The following NCK2 variants were observed in gnomAD, a reference collection of about 807,000 sequenced individuals.
The protein encoded by NCK2 is cytoplasmic protein NCK2.
Under a neutral mutation model 33.9 loss-of-function variants are expected in NCK2, and 16 were observed. The observed-to-expected ratio is 0.47, with a 90% confidence interval of 0.32 to 0.72. The LOEUF (loss-of-function observed/expected upper bound fraction) is 0.72. Among genes scored for constraint, NCK2 ranks in the 30% least tolerant of loss-of-function variants. The pLI is 0.03. For missense variants in NCK2, 418 were observed against 537.3 expected (o/e 0.78, Z 2.19); for synonymous variants, 273 against 239.9 (o/e 1.14, Z -1.27).
chr2:105,892,116 G>A (rs953116364), intron 4 of NCK2, among the ~76,000 whole-genome samples: 1 of 151,778 alleles, frequency 6.6e-6, no homozygotes, highest in Non-Finnish European at 1.5e-5. Context: ...CCTGGGAGGC[G>A]CAGGTTGCAG....
intron 1 of NCK2, among the ~76,000 whole-genome samples, chr2:105,759,263 G>T (rs550682541): frequency 2.0e-5 from 3 of 152,118 alleles, no homozygotes; most frequent in Non-Finnish European, 4.4e-5. Context: ...ATCGTTTTAC[G>T]TATTCAAGTA....
At chr2:105,816,207 T>C (rs572878103) in intron 1 of NCK2, among the ~76,000 whole-genome samples, 2 of 152,278 alleles carry the variant, frequency 1.3e-5, no homozygotes, top group East Asian at 3.9e-4. Context: ...TGGGGAGACT[T>C]AGGCAGGAGG....
upstream of NCK2, among the ~76,000 whole-genome samples, chr2:105,744,718 G>A (rs552452242): frequency 6.6e-6 from 1 of 151,044 alleles, no homozygotes. Context: ...TGGCGACGAC[G>A]GGGGGCGCCC....
At position 105,745,109 on chromosome 2, in the gene NCK2, C is replaced by G. The variant is rs1385208655; in HGVS notation, c.-230C>G. The G allele has an allele frequency of 6.8e-6, 1 of 148,094 alleles. No homozygotes were observed. Among genetic ancestry groups the G allele is most frequent in the Non-Finnish European group, 1.5e-5 (1 of 66,542 alleles). 9.2% of individuals were successfully genotyped at this position (148,094 alleles called of 1,614,324 possible). A position where few individuals can be genotyped will look rare whatever the true frequency, so the allele number is the denominator to read the frequency against. Reference sequence around the variant, plus strand: ...ACCGCCCCGGGACCCGCGCCGCTGCCCTCCGGCTCCGCGGGCGGCCCACGG... The same window carrying G: ...ACCGCCCCGGGACCCGCGCCGCTGCGCTCCGGCTCCGCGGGCGGCCCACGG... On this transcript the variant is annotated 5_prime_UTR_variant, in exon 1 of 5. Transcript: ENST00000233154.
At chr2:105,747,501 A>C (rs1057363810) in intron 1 of NCK2, among the ~76,000 whole-genome samples, 3 of 152,194 alleles carry the variant, frequency 2.0e-5, no homozygotes. Context: ...TGCCGTGTGC[A>C]CTGGGGGAGA....
At chr2:105,818,284 G>GGGGGGAT in intron 2 of NCK2, among the ~76,000 whole-genome samples, 1 of 4,028 alleles carries the variant, frequency 2.5e-4, no homozygotes, top group South Asian at 0.011. Context: ...GTTTTGGGGT[G>GGGGGGAT]GGGGGAGGGG....
chr2:105,758,806 C>G (rs546772269), intron 1 of NCK2, among the ~76,000 whole-genome samples: 2 of 152,316 alleles, frequency 1.3e-5, no homozygotes, highest in East Asian at 1.9e-4. Context: ...CTGTACTGCT[C>G]TGACAGTAAG....
At chr2:105,861,423 T>C (rs907178165) in intron 3 of NCK2, among the ~76,000 whole-genome samples, 2 of 152,082 alleles carry the variant, frequency 1.3e-5, no homozygotes, top group Non-Finnish European at 2.9e-5. Context: ...TTAGGTGCTG[T>C]GTGCTGGATC....
intron 3 of NCK2, among the ~76,000 whole-genome samples, chr2:105,871,889 A>G (rs957930480): frequency 1.9e-4 from 29 of 152,172 alleles, no homozygotes; most frequent in Admixed American, 6.5e-5. Context: ...CGGGGAGGAA[A>G]CTACATGACA....
intron 2 of NCK2, among the ~76,000 whole-genome samples, chr2:105,833,991 A>G (rs4851875): frequency 0.27 from 41,293 of 152,076 alleles, 6,407 homozygotes; most frequent in East Asian, 0.44. Flanking sequence ...GTTTTATTCT[A>G]TTGTGTTCTG....
chr2:105,855,213 T>C lies in NCK2; in HGVS notation c.150T>C (p.Tyr50=), dbSNP rs1677211725. 1 of 1,614,090 alleles carries C rather than the reference T, an allele frequency of 6.2e-7. No homozygotes were observed. Among genetic ancestry groups the C allele is most frequent in the South Asian group, 1.1e-5 (1 of 91,052 alleles). The change falls in exon 3 of 5, where the codon TAT becomes TAC. Residue 50 remains tyrosine, a synonymous_variant. Coordinates refer to ENST00000233154, the MANE Select transcript of NCK2 (RefSeq NM_003581.5). ...RVRNAANRTG[Y]VPSNYVERKN... ...GGAACGCGGCCAACAGGACGGGCTA[T>C]GTACCGTCCAACTACGTGGAGCGGA...
At chr2:105,870,976 G>T (rs1677974562) in intron 3 of NCK2, among the ~76,000 whole-genome samples, 1 of 151,976 alleles carries the variant, frequency 6.6e-6, no homozygotes. Flanking sequence ...TGCAGAGCAG[G>T]GTCAGCGTGT....
At chr2:105,808,078 T>A (rs1473395060) in intron 1 of NCK2, among the ~76,000 whole-genome samples, 3 of 152,028 alleles carry the variant, frequency 2.0e-5, no homozygotes, top group African/African-American at 7.2e-5. Flanking sequence ...AGTTTTTGTA[T>A]TTTTGGTAGA....
At chr2:105,776,292 C>T (rs1281302504) in intron 1 of NCK2, among the ~76,000 whole-genome samples, 2 of 152,252 alleles carry the variant, frequency 1.3e-5, no homozygotes, top group Non-Finnish European at 2.9e-5. Context: ...TTACCTTTTG[C>T]CCTTTATTTC....
intron 1 of NCK2, among the ~76,000 whole-genome samples, chr2:105,754,557 C>T (rs191066667): frequency 6.6e-6 from 1 of 152,302 alleles, no homozygotes; most frequent in Non-Finnish European, 1.5e-5. Context: ...CATGCTTTCC[C>T]TCTCATCAGC....
chr2:105,801,418 CTTTT>C (rs79973949), intron 1 of NCK2, among the ~76,000 whole-genome samples: 1 of 145,466 alleles, frequency 6.9e-6, no homozygotes. Context: ...GTGCTTTTTT[CTTTT>C]TTTTTTTTTC....
Position 105,882,161 on chromosome 2 carries a change from G to A in NCK2, c.948+112G>A. 4 of 1,212,932 alleles carry A rather than the reference G, an allele frequency of 3.3e-6. No individual in the cohort carries two copies. In the South Asian group the frequency reaches 1.2e-4, roughly 36 times the overall value. 75.1% of individuals were successfully genotyped at this position (1,212,932 alleles called of 1,614,324 possible). A position where few individuals can be genotyped will look rare whatever the true frequency, so the allele number is the denominator to read the frequency against. ...TGTGAGTACACTAGAAAGAGCGGGA[G>A]ACGCAGATGAATGCAATTTAGTATA... On this transcript the variant is annotated intron_variant, in intron 4 of 4. Coordinates refer to ENST00000233154, the MANE Select transcript of NCK2 (RefSeq NM_003581.5).
chr2:105,754,456 C>T (rs1042728673), intron 1 of NCK2, among the ~76,000 whole-genome samples: 1 of 152,110 alleles, frequency 6.6e-6, no homozygotes, highest in Admixed American at 6.6e-5. Flanking sequence ...ATTTTGGTTG[C>T]GTGTTTAAGG....
At chr2:105,744,846 G>A (rs971809334), upstream of NCK2, 7 of 158,418 alleles carry the variant, frequency 4.4e-5, no homozygotes, top group African/African-American at 1.2e-4. Flanking sequence ...GGAGGCGGGC[G>A]CTGCGCGCCG....
Sources: gnomAD v4.1 joint callset for allele counts (sites outside exome capture counted in the v4.1 genomes callset) on GRCh38, gnomAD v4.1.1 for gene constraint, MANE v1.5 for transcripts, NCBI Gene and HGNC (gene_info 2026-07-23, HGNC 2026-07-21) for gene names.